RBMS2: variants seen among roughly 807,000 people sequenced by gnomAD.
The protein encoded by RBMS2 is RNA-binding motif, single-stranded-interacting protein 2.
In RBMS2, 38 loss-of-function variants were observed where a neutral mutation model predicts 58.4. The ratio of observed to expected loss-of-function variants is 0.65; its 90% CI spans 0.50 to 0.85. The LOEUF (loss-of-function observed/expected upper bound fraction) is 0.85. RBMS2 is among the 40% of genes least tolerant of loss of function. The pLI, the probability that RBMS2 is intolerant of heterozygous loss-of-function variation, is 0.00. For synonymous variants in RBMS2, 151 were observed against 180.7 expected, an observed-to-expected ratio of 0.84 and a Z score of 1.32; for missense variants, 367 against 503.7, an observed-to-expected ratio of 0.73 and a Z score of 2.60.
intron 7 of RBMS2, 124 bp downstream of exon 7, chr12:56,581,632 C>T: frequency 8.4e-7 from 1 of 1,187,204 alleles, no homozygotes; most frequent in Non-Finnish European, 1.2e-6. Flanking sequence ...TTGAGAAATG[C>T]TGGCTGTGAA....
rs570521954 is a variant in RBMS2 at position 56,590,623 on chromosome 12, T to G, written c.*1490T>G. On this transcript the variant is annotated 3_prime_UTR_variant, in exon 14 of 14. Coordinates refer to ENST00000262031, the MANE Select transcript of RBMS2 (RefSeq NM_002898.4). Reference sequence around the variant, plus strand: ...CAGTGCCTTTTGACACTCATGCAACTGTTGGGGAAGGACTGGACTGGGATC... The same window carrying G: ...CAGTGCCTTTTGACACTCATGCAACGGTTGGGGAAGGACTGGACTGGGATC... 9 of 152,356 alleles carry G rather than the reference T, an allele frequency of 5.9e-5. No individual in the cohort carries two copies. Among genetic ancestry groups the G allele is most frequent in the African/African-American group, 2.2e-4 (9 of 41,570 alleles). 9.4% of individuals were successfully genotyped at this position (152,356 alleles called of 1,614,324 possible).
intron 1 of RBMS2, among the ~76,000 whole-genome samples, chr12:56,555,294 G>A (rs1185427321): frequency 6.6e-6 from 1 of 151,832 alleles, no homozygotes; most frequent in Non-Finnish European, 1.5e-5. Flanking sequence ...TACAAAATTA[G>A]CCAGGCATGG....
intron 1 of RBMS2, among the ~76,000 whole-genome samples, chr12:56,542,137 C>T (rs914529796): frequency 2.6e-5 from 4 of 152,092 alleles, no homozygotes; most frequent in African/African-American, 9.7e-5. Context: ...GCCTCAACCT[C>T]TGTGGACTCA....
At chr12:56,584,613 G>A (rs921099582) in intron 9 of RBMS2, among the ~76,000 whole-genome samples, 4 of 151,568 alleles carry the variant, frequency 2.6e-5, no homozygotes, top group African/African-American at 9.7e-5. Context: ...GTGAAACGCC[G>A]TCTCTACTAA....
rs1314305153 is a variant in RBMS2 at position 56,595,112 on chromosome 12, C to T, written c.*5979C>T. ...GTAATAAGTAATGGTTGGAGGACAC[C>T]AGCATAGGAGCAGAGTTTAGAACTT... is the stretch of plus-strand genomic sequence containing the variant. On this transcript the variant is annotated 3_prime_UTR_variant, in exon 14 of 14. Transcript: ENST00000262031. 1 of 152,132 alleles carries T rather than the reference C, an allele frequency of 6.6e-6. No individual in the cohort carries two copies. Among genetic ancestry groups the T allele is most frequent in the Non-Finnish European group, 1.5e-5 (1 of 68,072 alleles). 9.4% of individuals were successfully genotyped at this position (152,132 alleles called of 1,614,324 possible).
intron 1 of RBMS2, among the ~76,000 whole-genome samples, chr12:56,531,721 G>A (rs1873765169): frequency 6.6e-6 from 1 of 151,434 alleles, no homozygotes; most frequent in African/African-American, 2.4e-5. Context: ...CCAGCTACTT[G>A]GAAGGCTGAG....
rs1314220059 is a variant in RBMS2, at chr12:56,594,053, CTAACT to C, written c.*4922_*4926del. The C allele has an allele frequency of 1.3e-5, 2 of 152,296 alleles. No individual in the cohort carries two copies. The highest frequency in any genetic ancestry group is 2.4e-5 in the African/African-American group (1 of 41,434). The allele number at this position is 152,296 out of a possible 1,614,324, so 9.4% of individuals were successfully genotyped here. A position where few individuals can be genotyped will look rare whatever the true frequency, so the allele number is the denominator to read the frequency against. Reference sequence around the variant, plus strand: ...GCTCCACTCCATTCGTTTTCCTTTCCTAACTTGACAATCAGCTCACTCACCCTCCC... The same window carrying C: ...GCTCCACTCCATTCGTTTTCCTTTCCTGACAATCAGCTCACTCACCCTCCC... On this transcript the variant is annotated 3_prime_UTR_variant, in exon 14 of 14. Coordinates refer to ENST00000262031, the MANE Select transcript of RBMS2 (RefSeq NM_002898.4).
At chr12:56,532,559 T>G (rs1873955321) in intron 1 of RBMS2, among the ~76,000 whole-genome samples, 1 of 127,932 alleles carries the variant, frequency 7.8e-6, no homozygotes. Flanking sequence ...AAAAGAAAAA[T>G]AATTAAATTA....
chr12:56,549,693 C>T (rs182728621), intron 1 of RBMS2, among the ~76,000 whole-genome samples: 32 of 152,170 alleles, frequency 2.1e-4, no homozygotes, highest in African/African-American at 7.2e-4. Flanking sequence ...TGAAATGGTT[C>T]TCAAGGGCCA....
chr12:56,529,749 C>T (rs191540183), intron 1 of RBMS2, among the ~76,000 whole-genome samples: 27 of 152,214 alleles, frequency 1.8e-4, no homozygotes, highest in African/African-American at 4.6e-4. Context: ...GCCCAGAATA[C>T]GGAAATCTAT....
chr12:56,575,765 A>G (rs530290145), intron 5 of RBMS2, among the ~76,000 whole-genome samples: 4 of 152,064 alleles, frequency 2.6e-5, no homozygotes, highest in Admixed American at 1.3e-4. Context: ...ATGGTGGCGC[A>G]TGCCTGTAAT....
At chr12:56,524,417 T>G (rs1872274785) in intron 1 of RBMS2, among the ~76,000 whole-genome samples, 1 of 112,566 alleles carries the variant, frequency 8.9e-6, no homozygotes, top group African/African-American at 2.7e-5. Flanking sequence ...ATATTTTTAT[T>G]TTTACTTTTT....
At chr12:56,556,439 G>A (rs545550722) in intron 1 of RBMS2, among the ~76,000 whole-genome samples, 1 of 149,850 alleles carries the variant, frequency 6.7e-6, no homozygotes, top group Non-Finnish European at 1.5e-5. Context: ...GCAGTGGCGC[G>A]ATCTGGGCTC....
chr12:56,524,072 A>C (rs1872217499), intron 1 of RBMS2, among the ~76,000 whole-genome samples: 1 of 152,154 alleles, frequency 6.6e-6, no homozygotes, highest in Admixed American at 6.6e-5. Flanking sequence ...GCTATCTAAA[A>C]ATCTCTTTTT....
chr12:56,566,282 T>TG (rs1881327044), intron 2 of RBMS2, among the ~76,000 whole-genome samples: 1 of 152,188 alleles, frequency 6.6e-6, no homozygotes, highest in South Asian at 2.1e-4. Context: ...ATTGCTTGTT[T>TG]GGGGTATTAT....
chr12:56,559,160 G>T (rs138066634), intron 1 of RBMS2, among the ~76,000 whole-genome samples: 22 of 152,078 alleles, frequency 1.4e-4, no homozygotes, highest in Non-Finnish European at 2.6e-4. Flanking sequence ...ATCAATAATA[G>T]CAACTCCTTA....
intron 1 of RBMS2, among the ~76,000 whole-genome samples, chr12:56,538,536 G>A (rs1211874418): frequency 1.4e-5 from 2 of 140,288 alleles, no homozygotes; most frequent in Non-Finnish European, 3.0e-5. Context: ...CACCCAGGCT[G>A]GAGTGCAGTG....
At chr12:56,562,695 C>A in intron 2 of RBMS2, 112 bp downstream of exon 2, 1 of 1,218,582 alleles carries the variant, frequency 8.2e-7, no homozygotes, top group Non-Finnish European at 1.2e-6. Context: ...TCAAGTGATC[C>A]TCCTGTCTCA....
chr12:56,534,727 C>T (rs1290528667), intron 1 of RBMS2, among the ~76,000 whole-genome samples: 5 of 152,124 alleles, frequency 3.3e-5, no homozygotes, highest in Admixed American at 6.6e-5. Flanking sequence ...CTGCAACCTC[C>T]GCCTCCCAGC....
Sources: gnomAD v4.1 joint callset for allele counts (sites outside exome capture counted in the v4.1 genomes callset) on GRCh38, gnomAD v4.1.1 for gene constraint, MANE v1.5 for transcripts, NCBI Gene and HGNC (gene_info 2026-07-23, HGNC 2026-07-21) for gene names.